Variants in GRAMD1B observed in about 807,000 individuals in gnomAD.
The protein encoded by GRAMD1B is protein Aster-B.
GRAMD1B carries 37 observed loss-of-function variants against 99.7 expected under a neutral mutation model. The observed-to-expected ratio is 0.37, with a 90% CI of 0.29 to 0.49. GRAMD1B has a LOEUF of 0.49. Among genes scored for constraint, GRAMD1B ranks in the 20% least tolerant of loss-of-function variants. The pLI is 0.98. For synonymous variants in GRAMD1B, 427 were observed against 387.6 expected, an observed-to-expected ratio of 1.10 and a Z score of -1.19; for missense variants, 888 against 1,009.2, an observed-to-expected ratio of 0.88 and a Z score of 1.63.
Position 123,614,755 on chromosome 11 carries a change from G to A in GRAMD1B, c.2238G>A (p.Gln746=). The A allele has an allele frequency of 1.2e-6, 2 of 1,609,688 alleles. No homozygotes were observed. Among genetic ancestry groups the A allele is most frequent in the Non-Finnish European group, 1.7e-6 (2 of 1,176,064 alleles). The change falls in exon 17 of 20, where the codon CAG becomes CAA. Residue 746 remains glutamine, a synonymous_variant. Transcript: ENST00000635736. ...TAATTCTCCCCACAGGTTCCACACA[G>A]ACGCGGCATATCCCGGAGGACACCC... ...HRIKHVAGST[Q]TRHIPEDTPN...
In GRAMD1B at chr11:123,441,189, G is replaced by C. The variant is rs1252912076; in HGVS notation, c.374+10023G>C. On this transcript the variant is annotated intron_variant, in intron 1 of 19. Transcript: ENST00000635736. ...TGAGAAGTTGCAAGAAAGAGAGGTA[G>C]GGGTGTCAGGCTCCTTTTAACAAGC... Among the ~76,000 whole-genome samples, 3 of 152,164 alleles carry C rather than the reference G, an allele frequency of 2.0e-5. No individual in the cohort carries two copies. In the South Asian group the frequency reaches 6.2e-4, roughly 32 times the overall value.
chr11:123,622,403 G>C (rs1288935455), intron 19 of GRAMD1B, 103 bp from the exon 20 acceptor site: 1 of 704,860 alleles, frequency 1.4e-6, no homozygotes, highest in African/African-American at 1.8e-5. Flanking sequence ...CCCATGGCGT[G>C]GTTGGAGGCC....
intron 3 of GRAMD1B, among the ~76,000 whole-genome samples, 175 bp from the exon 4 acceptor site, chr11:123,584,137 T>TG (rs1248483906): frequency 1.3e-5 from 2 of 151,708 alleles, no homozygotes; most frequent in Non-Finnish European, 2.9e-5. Flanking sequence ...GCCTCCTTTC[T>TG]GGAACTGCCT....
At chr11:123,432,826 G>A (rs1948962225) in intron 1 of GRAMD1B, among the ~76,000 whole-genome samples, 1 of 152,188 alleles carries the variant, frequency 6.6e-6, no homozygotes, top group South Asian at 2.1e-4. Flanking sequence ...TGGGGACTGA[G>A]GAGTAGGATC....
Position 123,600,558 on chromosome 11 carries a change from G to T in GRAMD1B, c.1050+10G>T, listed in dbSNP as rs1951819289. On this transcript the variant is annotated intron_variant, in intron 8 of 19. Coordinates refer to ENST00000635736, the MANE Select transcript of GRAMD1B (RefSeq NM_001387025.1). The stretch of plus-strand genomic sequence containing the variant: ...TGCTCTCCTTGAAAAGGTAAGTACG[G>T]CCGAGTTTGCTTTTACTGTGGGACT... The T allele has an allele frequency of 4.4e-6, 7 of 1,589,666 alleles. No homozygotes were observed. Among genetic ancestry groups the T allele is most frequent in the Non-Finnish European group, 6.0e-6 (7 of 1,158,704 alleles).
chr11:123,385,155 A>G (rs1385742032), intron 1 of GRAMD1B, among the ~76,000 whole-genome samples: 2 of 152,166 alleles, frequency 1.3e-5, no homozygotes, highest in Non-Finnish European at 2.9e-5. Context: ...CACTATGCCA[A>G]TTCTTCTGGT....
intron 2 of GRAMD1B, among the ~76,000 whole-genome samples, chr11:123,482,821 A>ACATCT (rs1170652387): frequency 2.0e-5 from 3 of 152,136 alleles, no homozygotes; most frequent in African/African-American, 7.2e-5. Flanking sequence ...CACTTTGGGA[A>ACATCT]GCCAAGGTAG....
chr11:123,472,962 C>T (rs1951087165), intron 1 of GRAMD1B, among the ~76,000 whole-genome samples: 1 of 152,250 alleles, frequency 6.6e-6, no homozygotes, highest in African/African-American at 2.4e-5. Flanking sequence ...CTAAATTTTA[C>T]AGGCTGCTCT....
At chr11:123,418,926 C>T (rs999915856) in intron 1 of GRAMD1B, among the ~76,000 whole-genome samples, 8 of 152,142 alleles carry the variant, frequency 5.3e-5, no homozygotes, top group African/African-American at 1.4e-4. Context: ...CACACAACAA[C>T]GATGAATGGG....
At chr11:123,469,380 G>A (rs1213518345) in intron 1 of GRAMD1B, among the ~76,000 whole-genome samples, 1 of 152,194 alleles carries the variant, frequency 6.6e-6, no homozygotes, top group Non-Finnish European at 1.5e-5. Context: ...GCCTATTAAA[G>A]TAATCTGGGT....
chr11:123,430,435 A>C lies in GRAMD1B; in HGVS notation c.-358A>C. On this transcript the variant is annotated 5_prime_UTR_variant, in exon 1 of 20. Transcript: ENST00000635736. Reference sequence around the variant, plus strand: ...GGGCCCCTGGCTGCCGAGTCCCGCTAAGGCAAAGACGCCAGCAAGCGAGGA... The same window carrying C: ...GGGCCCCTGGCTGCCGAGTCCCGCTCAGGCAAAGACGCCAGCAAGCGAGGA... The C allele has an allele frequency of 3.9e-6, 1 of 257,260 alleles. No homozygotes were observed. Among genetic ancestry groups the C allele is most frequent in the Non-Finnish European group, 7.3e-6 (1 of 136,290 alleles). The allele number at this position is 257,260 out of a possible 1,614,324, so 15.9% of individuals were successfully genotyped here.
rs532330026 is a variant in GRAMD1B, at chr11:123,516,718, C to G, written c.452+35825C>G. Among the ~76,000 whole-genome samples the G allele has an allele frequency of 2.6e-5, 4 of 152,222 alleles. No individual in the cohort carries two copies. The East Asian group carries it at 7.7e-4, about 29-fold the overall frequency. On this transcript the variant is annotated intron_variant, in intron 2 of 19. Coordinates refer to ENST00000635736, the MANE Select transcript of GRAMD1B (RefSeq NM_001387025.1). Reference sequence around the variant, plus strand: ...ACAAACCTATGCTCGTTTTGGAAAACAGAGATATATCCTTCTGATTAGATA... The same window carrying G: ...ACAAACCTATGCTCGTTTTGGAAAAGAGAGATATATCCTTCTGATTAGATA...
At chr11:123,573,380 G>T (rs1208922429) in intron 2 of GRAMD1B, among the ~76,000 whole-genome samples, 2 of 152,202 alleles carry the variant, frequency 1.3e-5, no homozygotes, top group Non-Finnish European at 2.9e-5. Context: ...AGTTCACTTT[G>T]ACAGGAAAAG....
At chr11:123,553,054 T>G (rs1945784512) in intron 2 of GRAMD1B, among the ~76,000 whole-genome samples, 1 of 152,228 alleles carries the variant, frequency 6.6e-6, no homozygotes, top group Admixed American at 6.5e-5. Context: ...TTTCAATCAC[T>G]TGGAGATCCT....
intron 2 of GRAMD1B, among the ~76,000 whole-genome samples, chr11:123,499,608 A>T (rs1478095868): frequency 6.6e-6 from 1 of 152,158 alleles, no homozygotes; most frequent in Non-Finnish European, 1.5e-5. Context: ...AAGCAATTAA[A>T]TGCTGGCTCC....
intron 1 of GRAMD1B, among the ~76,000 whole-genome samples, chr11:123,412,840 G>A (rs750007605): frequency 6.6e-6 from 1 of 152,132 alleles, no homozygotes; most frequent in African/African-American, 2.4e-5. Flanking sequence ...GGAGTGCAGT[G>A]GCGCGATCTC....
At chr11:123,539,851 C>A (rs934704999) in intron 2 of GRAMD1B, among the ~76,000 whole-genome samples, 3 of 152,140 alleles carry the variant, frequency 2.0e-5, no homozygotes, top group African/African-American at 7.2e-5. Flanking sequence ...AGTGTTTCTG[C>A]CTACGGAAAT....
rs2714082 is a variant in GRAMD1B, at chr11:123,492,052, C to G, written c.452+11159C>G. ...TGTAGGTCCCTGCCCAAGAGGGACA[C>G]TCGGTGATCCATTGCAAGAGGCTGA... On this transcript the variant is annotated intron_variant, in intron 2 of 19. Coordinates refer to ENST00000635736, the MANE Select transcript of GRAMD1B (RefSeq NM_001387025.1). The surrounding 1 kb of genome is among the most constrained non-coding windows in gnomAD (Gnocchi z 4.2). The G allele has an allele frequency of 0.37, 147,973 of 395,316 alleles. 30,040 individuals are homozygous for G. Among genetic ancestry groups the G allele is most frequent in the African/African-American group, 0.61 (29,707 of 48,336 alleles). The allele number at this position is 395,316 out of a possible 1,614,324, so 24.5% of individuals were successfully genotyped here.
At chr11:123,433,708 G>C (rs1048900790) in intron 1 of GRAMD1B, among the ~76,000 whole-genome samples, 3 of 143,316 alleles carry the variant, frequency 2.1e-5, no homozygotes, top group African/African-American at 7.5e-5. Flanking sequence ...GTGTGTGTGT[G>C]TGTGTCTTTG....
Sources: allele counts gnomAD v4.1 joint callset (sites outside exome capture counted in the v4.1 genomes callset), GRCh38; gene constraint gnomAD v4.1.1; non-coding constraint Gnocchi (gnomAD v3.1); transcripts MANE v1.5; gene names NCBI Gene and HGNC (gene_info 2026-07-23, HGNC 2026-07-21).